Variants in KCNH1 observed in about 807,000 individuals in gnomAD.
KCNH1 encodes potassium voltage-gated channel subfamily H member 1.
A neutral mutation model predicts 69.2 loss-of-function variants in KCNH1; 27 were observed. The observed-to-expected ratio is 0.39, with a 90% CI of 0.29 to 0.54. KCNH1 has a LOEUF of 0.54. Among genes scored for constraint, KCNH1 ranks in the 20% least tolerant of loss-of-function variants. The probability of loss-of-function intolerance (pLI) is 0.68; values close to 1 mark genes in which losing one functional copy is unlikely to be tolerated. For missense variants in KCNH1, 798 were observed against 1,261.6 expected (o/e 0.63, Z 5.57); for synonymous variants, 456 against 487.7 (o/e 0.93, Z 0.86).
At chr1:210,954,971 T>C (rs1574359180) in intron 6 of KCNH1, among the ~76,000 whole-genome samples, 1 of 152,352 alleles carries the variant, frequency 6.6e-6, no homozygotes, top group East Asian at 1.9e-4. Context: ...CATGAAGTCT[T>C]TGCCCATGCC....
intron 10 of KCNH1, among the ~76,000 whole-genome samples, chr1:210,762,497 G>A (rs1352781715): frequency 6.6e-6 from 1 of 152,054 alleles, no homozygotes; most frequent in East Asian, 1.9e-4. Flanking sequence ...GAACAAAGGA[G>A]AGAGAAGCTC....
intron 7 of KCNH1, among the ~76,000 whole-genome samples, chr1:210,914,987 A>C (rs1430607633): frequency 6.6e-6 from 1 of 152,178 alleles, no homozygotes; most frequent in African/African-American, 2.4e-5. Context: ...CAATGACATT[A>C]TGAGAAGAGA....
At chr1:211,065,839 C>T (rs111539290) in intron 5 of KCNH1, among the ~76,000 whole-genome samples, 5 of 152,130 alleles carry the variant, frequency 3.3e-5, no homozygotes, top group South Asian at 2.1e-4. Context: ...GTAGGAAGAC[C>T]GCTTGAGCCC....
intron 10 of KCNH1, among the ~76,000 whole-genome samples, chr1:210,723,414 C>T (rs113202623): frequency 0.014 from 2,181 of 152,192 alleles, 50 homozygotes; most frequent in African/African-American, 0.05. Flanking sequence ...TACTTAGATC[C>T]AGCCACTCCT....
At chr1:210,847,524 G>A (rs1271534102) in intron 7 of KCNH1, among the ~76,000 whole-genome samples, 3 of 149,406 alleles carry the variant, frequency 2.0e-5, no homozygotes, top group African/African-American at 7.4e-5. Context: ...GGTGGGAACT[G>A]AACAATGAGA....
At chr1:210,898,674 G>C (rs532926237) in intron 7 of KCNH1, among the ~76,000 whole-genome samples, 18 of 142,236 alleles carry the variant, frequency 1.3e-4, no homozygotes, top group Middle Eastern at 3.7e-3. Flanking sequence ...GGGGGCAGGC[G>C]TGGCGGCGGG....
chr1:211,097,171 C>T (rs1263918979), intron 3 of KCNH1, among the ~76,000 whole-genome samples: 1 of 152,092 alleles, frequency 6.6e-6, no homozygotes, highest in Non-Finnish European at 1.5e-5. Context: ...AAAGGAAAAA[C>T]TGGATTATTT....
rs74680257 is a variant in KCNH1 at position 211,114,933 on chromosome 1, G to T, written c.80-7556C>A. Among the ~76,000 whole-genome samples the T allele has an allele frequency of 1.4e-3, 208 of 151,982 alleles. 2 individuals carry two copies. The highest frequency in any genetic ancestry group is 4.8e-3 in the African/African-American group (198 of 41,458). ...GGAAGAATTAATAATTCTTTTTTTGGGGGGTGTGGGAGTTGGTTTTTTGTT... is the reference window on the plus strand; with the variant it reads ...GGAAGAATTAATAATTCTTTTTTTGTGGGGTGTGGGAGTTGGTTTTTTGTT... On this transcript the variant is annotated intron_variant, in intron 1 of 10. Transcript: ENST00000271751.
chr1:211,131,876 C>A (rs1249432355), intron 1 of KCNH1, among the ~76,000 whole-genome samples: 1 of 152,160 alleles, frequency 6.6e-6, no homozygotes, highest in East Asian at 1.9e-4. Flanking sequence ...AATCAACCTG[C>A]TGAAACTGGT....
At chr1:211,052,942 A>G (rs571416172) in intron 5 of KCNH1, among the ~76,000 whole-genome samples, 1 of 152,348 alleles carries the variant, frequency 6.6e-6, no homozygotes, top group African/African-American at 2.4e-5. Flanking sequence ...GATGGCTGAA[A>G]GCTGTACTCT....
chr1:211,099,499 G>A (rs2102480302), intron 3 of KCNH1, among the ~76,000 whole-genome samples: 1 of 152,270 alleles, frequency 6.6e-6, no homozygotes, highest in South Asian at 2.1e-4. Context: ...AAGTTTGAAA[G>A]TAGAAGCAAA....
chr1:210,835,919 C>T (rs1685270526), intron 7 of KCNH1, among the ~76,000 whole-genome samples: 1 of 151,820 alleles, frequency 6.6e-6, no homozygotes, highest in Non-Finnish European at 1.5e-5. Flanking sequence ...CACCTGAGAT[C>T]AGGTGTTTGA....
rs571709278 is a variant in KCNH1 at position 210,718,884 on chromosome 1, T to C, written c.2113-34746A>G. Among the ~76,000 whole-genome samples, 61 of 151,786 alleles carry C rather than the reference T, an allele frequency of 4.0e-4. No individual in the cohort carries two copies. The East Asian group carries it at 0.012, about 30-fold the overall frequency. ...AGAGGGAGCCACCCCTCAAGAGCCA[T>C]GGGGTCAGGAACTGGAGAAGACTCA... On this transcript the variant is annotated intron_variant, in intron 10 of 10. Transcript: ENST00000271751.
intron 10 of KCNH1, among the ~76,000 whole-genome samples, chr1:210,711,765 C>G (rs1347700977): frequency 6.6e-6 from 1 of 152,192 alleles, no homozygotes; most frequent in Non-Finnish European, 1.5e-5. Context: ...TGGGCAGGGA[C>G]TTTGCCTGCC....
chr1:210,731,485 ATTTACAGAG>A (rs1224447888), intron 10 of KCNH1, among the ~76,000 whole-genome samples: 1 of 152,092 alleles, frequency 6.6e-6, no homozygotes, highest in Non-Finnish European at 1.5e-5. Context: ...CAGAAAAATT[ATTTACAGAG>A]GCTTAAATAA....
Position 210,683,319 on chromosome 1 carries a change from A to G in KCNH1, c.2932T>C (p.Ser978Pro). 1 of 1,613,838 alleles carries G rather than the reference A, an allele frequency of 6.2e-7. No individual in the cohort carries two copies. Among genetic ancestry groups the G allele is most frequent in the Non-Finnish European group, 8.5e-7 (1 of 1,179,960 alleles). ...AAAATGTCTCTCTCTGATTCTGGGG[A>G]CTGTGGCCTCGATATTTCAAACAAC... ...QELFEISRPQ[S>P]PESERDIFGA... The change falls in exon 11 of 11, where the codon TCC becomes CCC. Residue 978 changes from serine to proline, a missense_variant. Around this residue, in one of 4 missense-constraint regions of KCNH1, gnomAD observed 331 missense variants for 363.2 expected, o/e 0.91. Coordinates refer to ENST00000271751, the MANE Select transcript of KCNH1 (RefSeq NM_172362.3). The surrounding 1 kb of genome is among the most constrained non-coding windows in gnomAD (Gnocchi z 5.7).
chr1:211,053,490 G>C (rs1690245693), intron 5 of KCNH1, among the ~76,000 whole-genome samples: 1 of 152,168 alleles, frequency 6.6e-6, no homozygotes, highest in Non-Finnish European at 1.5e-5. Context: ...TGCCCTGATG[G>C]AGAAACACAA....
intron 7 of KCNH1, among the ~76,000 whole-genome samples, chr1:210,836,714 C>T (rs1333035446): frequency 6.6e-6 from 1 of 152,082 alleles, no homozygotes; most frequent in Non-Finnish European, 1.5e-5. Context: ...GAGAGAGGTA[C>T]ATGAATTGTA....
chr1:210,955,101 G>C (rs1432338984), intron 6 of KCNH1, among the ~76,000 whole-genome samples: 1 of 152,194 alleles, frequency 6.6e-6, no homozygotes, highest in Admixed American at 6.5e-5. Context: ...AAGGGATCCA[G>C]TTTCAGCTTT....
Sources: gnomAD v4.1 joint callset for allele counts (sites outside exome capture counted in the v4.1 genomes callset) on GRCh38, gnomAD v4.1.1 for gene constraint, gnomAD v4.1.1 regional missense constraint, Gnocchi (gnomAD v3.1) non-coding constraint, MANE v1.5 for transcripts, NCBI Gene and HGNC (gene_info 2026-07-23, HGNC 2026-07-21) for gene names.